Variants in CAMTA1 observed in about 807,000 individuals in gnomAD.
The protein encoded by CAMTA1 is calmodulin-binding transcription activator 1.
In CAMTA1, 27 loss-of-function variants were observed where a neutral mutation model predicts 170.9. That is an observed-to-expected ratio of 0.16 (90% confidence interval 0.12 to 0.22). The LOEUF is 0.22. Ranked by LOEUF, CAMTA1 falls within the 10% of genes least tolerant of loss-of-function variation. CAMTA1 has a pLI of 1.00. For missense variants in CAMTA1, 1,619 were observed against 2,217.2 expected (o/e 0.73, Z 5.42); for synonymous variants, 833 against 891.5 (o/e 0.93, Z 1.17).
Position 7,300,478 on chromosome 1 carries a change from A to ACCAGCCTGG in CAMTA1, c.438+50856_438+50864dup, listed in dbSNP as rs1236506002. 1.3e-5 allele frequency among the ~76,000 whole-genome samples: 2 copies of ACCAGCCTGG among 152,338 alleles called. No individual in the cohort carries two copies. Among genetic ancestry groups the ACCAGCCTGG allele is most frequent in the Admixed American group, 6.5e-5 (1 of 15,300 alleles). On this transcript the variant is annotated intron_variant, in intron 5 of 22. Transcript: ENST00000303635. This position sits in a 1 kb window ranked among gnomAD's most constrained non-coding sequence, Gnocchi z 4.1. ...GATCACCTGAGGTCAGGAGTTCGAG[A>ACCAGCCTGG]CCAGCCTGGCCAACATGGTGAAACC...
intron 5 of CAMTA1, among the ~76,000 whole-genome samples, chr1:7,462,453 T>C (rs1395276775): frequency 1.3e-5 from 2 of 152,040 alleles, no homozygotes; most frequent in Non-Finnish European, 2.9e-5. Flanking sequence ...TTAGTAGAGA[T>C]GGGGTTTCGC....
intron 4 of CAMTA1, among the ~76,000 whole-genome samples, chr1:7,211,210 G>A (rs1658691460): frequency 6.6e-6 from 1 of 152,172 alleles, no homozygotes; most frequent in Non-Finnish European, 1.5e-5. Flanking sequence ...GCATGATAGT[G>A]TCTCGACTTT....
At chr1:7,661,948 G>T in intron 8 of CAMTA1, 82 bp downstream of exon 8, 1 of 1,467,852 alleles carries the variant, frequency 6.8e-7, no homozygotes. Flanking sequence ...GTCCTCTGTG[G>T]GAGTAGCCAT....
At position 7,562,751 on chromosome 1, in the gene CAMTA1, C is replaced by T. The variant is rs745688434; in HGVS notation, c.511-77649C>T. 3.3e-5 allele frequency among the ~76,000 whole-genome samples: 5 copies of T among 152,198 alleles called. No individual in the cohort carries two copies. The East Asian group carries it at 5.8e-4, about 18-fold the overall frequency. ...ATTTCCCGCATCTGCCGTTAACCCT[C>T]GCCAGGCCAGCAGTAGCCCACCCCA... On this transcript the variant is annotated intron_variant, in intron 6 of 22. Transcript: ENST00000303635. This position sits in a 1 kb window ranked among gnomAD's most constrained non-coding sequence, Gnocchi z 4.8.
chr1:7,276,303 A>ATAATTTT, intron 5 of CAMTA1, among the ~76,000 whole-genome samples: 1 of 24,226 alleles, frequency 4.1e-5, no homozygotes, highest in African/African-American at 3.0e-4. Context: ...ATATATATAT[A>ATAATTTT]TTTTTTTTTT....
chr1:7,164,637 T>C (rs1038581991), intron 4 of CAMTA1, among the ~76,000 whole-genome samples: 1 of 152,260 alleles, frequency 6.6e-6, no homozygotes, highest in South Asian at 2.1e-4. Context: ...GCTGAATTTA[T>C]ATTTGCAGCT....
chr1:7,405,896 G>C (rs2149229873), intron 5 of CAMTA1, among the ~76,000 whole-genome samples: 1 of 152,324 alleles, frequency 6.6e-6, no homozygotes, highest in Admixed American at 6.5e-5. Flanking sequence ...TTGGGGGACA[G>C]AAGGGGGCAC....
intron 3 of CAMTA1, among the ~76,000 whole-genome samples, chr1:6,841,500 G>A (rs1013785017): frequency 6.6e-6 from 1 of 152,076 alleles, no homozygotes; most frequent in Admixed American, 6.6e-5. Flanking sequence ...TGTTGGTGCG[G>A]TGGCCCAATG....
chr1:7,187,112 G>A (rs1222665339), intron 4 of CAMTA1, among the ~76,000 whole-genome samples: 2 of 152,128 alleles, frequency 1.3e-5, no homozygotes, highest in Non-Finnish European at 1.5e-5. Context: ...CTGACAGTAT[G>A]AGAGAGTGGC....
At chr1:7,566,238 C>A (rs764708016) in intron 6 of CAMTA1, among the ~76,000 whole-genome samples, 25 of 152,168 alleles carry the variant, frequency 1.6e-4, no homozygotes, top group Admixed American at 1.0e-3. Flanking sequence ...CAGGCACTCA[C>A]TGTCCCTCTC....
At chr1:7,275,721 A>G (rs1335425164) in intron 5 of CAMTA1, among the ~76,000 whole-genome samples, 1 of 152,176 alleles carries the variant, frequency 6.6e-6, no homozygotes, top group Non-Finnish European at 1.5e-5. Context: ...CACAAAATGG[A>G]AAATCTGAGT....
intron 10 of CAMTA1, 137 bp from the exon 11 acceptor site, chr1:7,677,462 G>T: frequency 9.9e-7 from 1 of 1,009,980 alleles, no homozygotes; most frequent in Non-Finnish European, 1.5e-6. Flanking sequence ...GAATGAGCAG[G>T]CATAGGCTAC....
intron 4 of CAMTA1, among the ~76,000 whole-genome samples, chr1:7,221,932 C>CACACAT (rs1660872425): frequency 6.6e-6 from 1 of 151,676 alleles, no homozygotes; most frequent in African/African-American, 2.4e-5. Context: ...CACACATACA[C>CACACAT]ACACACACAC....
chr1:7,242,320 C>T (rs61146604), intron 4 of CAMTA1, among the ~76,000 whole-genome samples: 9,610 of 152,242 alleles, frequency 0.063, 966 homozygotes, highest in African/African-American at 0.21. Flanking sequence ...GAACCCTCCT[C>T]CATTCCTAGT....
intron 4 of CAMTA1, among the ~76,000 whole-genome samples, chr1:7,217,135 A>G (rs778562458): frequency 8.5e-5 from 13 of 152,178 alleles, no homozygotes; most frequent in Non-Finnish European, 1.6e-4. Context: ...GGAGAAAATT[A>G]AATCATGGGG....
intron 3 of CAMTA1, among the ~76,000 whole-genome samples, chr1:6,988,547 T>C (rs1219897591): frequency 1.3e-5 from 2 of 152,156 alleles, no homozygotes; most frequent in Non-Finnish European, 2.9e-5. Context: ...CTTCTTGTAA[T>C]TACCCTGGAA....
intron 6 of CAMTA1, among the ~76,000 whole-genome samples, chr1:7,597,537 G>C (rs1254075893): frequency 6.6e-6 from 1 of 152,080 alleles, no homozygotes; most frequent in African/African-American, 2.4e-5. Context: ...TATTAGTCAG[G>C]GTTCTCCATG....
At chr1:7,271,020 G>A (rs755399229) in intron 5 of CAMTA1, among the ~76,000 whole-genome samples, 1 of 152,120 alleles carries the variant, frequency 6.6e-6, no homozygotes, top group Non-Finnish European at 1.5e-5. Context: ...AATCATCCAG[G>A]GGAAAGTATT....
chr1:7,031,001 A>ATTTTTTT, intron 3 of CAMTA1, among the ~76,000 whole-genome samples: 1 of 100,030 alleles, frequency 1.0e-5, no homozygotes, highest in African/African-American at 4.2e-5. Flanking sequence ...TGCCCAGCTA[A>ATTTTTTT]TTTTTTTTTT....
Sources: gnomAD v4.1 joint callset for allele counts (sites outside exome capture counted in the v4.1 genomes callset) on GRCh38, gnomAD v4.1.1 for gene constraint, Gnocchi (gnomAD v3.1) non-coding constraint, MANE v1.5 for transcripts, NCBI Gene and HGNC (gene_info 2026-07-23, HGNC 2026-07-21) for gene names.